Variants in TENM3 observed in about 807,000 individuals in gnomAD.
TENM3 encodes teneurin-3.
TENM3 carries 63 observed loss-of-function variants against 255.1 expected under a neutral mutation model. That is an observed-to-expected ratio of 0.25 (90% CI 0.20 to 0.30). The LOEUF (loss-of-function observed/expected upper bound fraction) is 0.30. TENM3 is among the 10% of genes least tolerant of loss of function. The pLI, the probability that TENM3 is intolerant of heterozygous loss-of-function variation, is 1.00. For missense variants in TENM3, 2,929 were observed against 3,461.1 expected (o/e 0.85, Z 3.86); for synonymous variants, 1,306 against 1,322.3 (o/e 0.99, Z 0.27).
the TENM3 span, chr4:181,975,846 T>C: frequency 1.3e-5 from 2 of 152,190 alleles, no homozygotes. Flanking sequence ...CATAACAAAG[T>C]ACCACAAACT....
At chr4:181,895,341 A>C in the TENM3 span, among the ~76,000 whole-genome samples, 1 of 152,120 alleles carries the variant, frequency 6.6e-6, no homozygotes, top group African/African-American at 2.4e-5. Flanking sequence ...GCAAACAATA[A>C]GTTTCTTTCT....
chr4:181,775,493 T>G, the TENM3 span, among the ~76,000 whole-genome samples: 24 of 152,288 alleles, frequency 1.6e-4, no homozygotes, highest in African/African-American at 5.8e-4. Flanking sequence ...TGTTGGTTCC[T>G]GAATTAGTCA....
At chr4:181,780,595 G>A in the TENM3 span, among the ~76,000 whole-genome samples, 99,330 of 151,914 alleles carry the variant, frequency 0.65, 32,547 homozygotes, top group Admixed American at 0.69. Flanking sequence ...TTGCCTGTTC[G>A]CTCTGATGGT....
At chr4:181,878,075 C>T in the TENM3 span, among the ~76,000 whole-genome samples, 3 of 152,130 alleles carry the variant, frequency 2.0e-5, no homozygotes, top group Non-Finnish European at 4.4e-5. Context: ...ATTGTAGGCA[C>T]CAGACATATT....
At chr4:181,719,052 A>G in the TENM3 span, among the ~76,000 whole-genome samples, 89 of 151,334 alleles carry the variant, frequency 5.9e-4, no homozygotes, top group Admixed American at 1.3e-3. Flanking sequence ...TAAAAATACA[A>G]AAAATTAGCC....
chr4:182,603,765 T>TTTTATATC (rs778280837), intron 4 of TENM3, among the ~76,000 whole-genome samples: 1 of 95,504 alleles, frequency 1.0e-5, no homozygotes. Flanking sequence ...TGGCAATTAT[T>TTTTATATC]TATATATATA....
intron 1 of TENM3, among the ~76,000 whole-genome samples, chr4:182,227,935 G>A (rs1337148867): frequency 6.6e-6 from 1 of 152,076 alleles, no homozygotes; most frequent in Non-Finnish European, 1.5e-5. Context: ...GTCACTTTAC[G>A]TTTCAGCACT....
the TENM3 span, among the ~76,000 whole-genome samples, chr4:181,654,090 C>T: frequency 6.6e-6 from 1 of 151,934 alleles, no homozygotes; most frequent in East Asian, 1.9e-4. Flanking sequence ...AATCTCTTTC[C>T]AGGACTAATA....
chr4:181,596,925 C>T, the TENM3 span, among the ~76,000 whole-genome samples: 2 of 151,936 alleles, frequency 1.3e-5, no homozygotes, highest in East Asian at 1.9e-4. Context: ...ACACTGGGGC[C>T]TTTTGGGAGG....
At chr4:182,315,765 GATTT>G (rs1162307761) in intron 1 of TENM3, among the ~76,000 whole-genome samples, 1 of 151,920 alleles carries the variant, frequency 6.6e-6, no homozygotes, top group East Asian at 1.9e-4. Flanking sequence ...TCTCTCTGAT[GATTT>G]ATTTATTTAT....
chr4:181,630,058 A>T, the TENM3 span, among the ~76,000 whole-genome samples: 7 of 152,158 alleles, frequency 4.6e-5, no homozygotes, highest in African/African-American at 1.7e-4. Context: ...TTCCTGGTTT[A>T]GTCTTTGGAG....
the TENM3 span, among the ~76,000 whole-genome samples, chr4:182,135,621 G>C: frequency 2.0e-5 from 3 of 152,164 alleles, no homozygotes; most frequent in Admixed American, 6.5e-5. Flanking sequence ...ATTTCAAATG[G>C]GTGTAACGGT....
chr4:181,946,726 GTTCTA>G, the TENM3 span, among the ~76,000 whole-genome samples: 2 of 152,110 alleles, frequency 1.3e-5, no homozygotes, highest in Admixed American at 6.6e-5. Flanking sequence ...AATGAATAGA[GTTCTA>G]TTCTAAATGA....
At chr4:181,537,210 T>A in the TENM3 span, among the ~76,000 whole-genome samples, 1 of 152,310 alleles carries the variant, frequency 6.6e-6, no homozygotes, top group Middle Eastern at 3.4e-3. Context: ...ACCTTTGACA[T>A]CACTTTCAAG....
At chr4:181,954,979 A>G in the TENM3 span, among the ~76,000 whole-genome samples, 1 of 152,206 alleles carries the variant, frequency 6.6e-6, no homozygotes, top group Non-Finnish European at 1.5e-5. Flanking sequence ...TCCTTCTCCC[A>G]TTGAATTACC....
chr4:182,669,006 C>T (rs1470676160), intron 6 of TENM3, among the ~76,000 whole-genome samples: 8 of 152,048 alleles, frequency 5.3e-5, no homozygotes, highest in Admixed American at 6.6e-5. Flanking sequence ...ACATATGCTT[C>T]GGATAGTAGA....
At position 182,793,653 on chromosome 4, in the gene TENM3, C is replaced by T. The variant is rs1454233426; in HGVS notation, c.6981C>T (p.Asp2327=). The change falls in exon 26 of 28, where the codon GAC becomes GAT. Residue 2327 remains aspartate, a synonymous_variant. Transcript: ENST00000511685. The surrounding 1 kb of genome is among the most constrained non-coding windows in gnomAD (Gnocchi z 5.7). The part of the protein sequence containing the change: ...QYTAYGEIYF[D]SNIDFQLVIG... ...CTGCATATGGGGAAATCTATTTTGA[C>T]TCTAATATTGACTTTCAACTGGTAA... is the stretch of plus-strand genomic sequence containing the variant. 3 of 1,613,854 alleles carry T rather than the reference C, an allele frequency of 1.9e-6. No individual in the cohort carries two copies. The highest frequency in any genetic ancestry group is 2.5e-6 in the Non-Finnish European group (3 of 1,179,868).
the TENM3 span, among the ~76,000 whole-genome samples, chr4:181,875,773 T>C: frequency 8.5e-5 from 13 of 152,284 alleles, no homozygotes; most frequent in South Asian, 2.7e-3. Flanking sequence ...TTCTTAATTC[T>C]GGAGCTTCTG....
the TENM3 span, among the ~76,000 whole-genome samples, chr4:181,837,598 G>A: frequency 6.6e-6 from 1 of 152,274 alleles, no homozygotes; most frequent in Non-Finnish European, 1.5e-5. Flanking sequence ...TTCAGCAAGG[G>A]ACCTATGCTT....
Sources: allele counts gnomAD v4.1 joint callset (sites outside exome capture counted in the v4.1 genomes callset), GRCh38; gene constraint gnomAD v4.1.1; non-coding constraint Gnocchi (gnomAD v3.1); transcripts MANE v1.5; gene names NCBI Gene and HGNC (gene_info 2026-07-23, HGNC 2026-07-21).